Variants in SEMA5A observed in about 807,000 individuals in gnomAD.
SEMA5A encodes semaphorin 5A.
Under a neutral mutation model 135.5 loss-of-function variants are expected in SEMA5A, and 55 were observed. The observed-to-expected ratio is 0.41, with a 90% CI of 0.33 to 0.51. The LOEUF (loss-of-function observed/expected upper bound fraction) is 0.51, where lower values mean the gene tolerates loss of function less well. SEMA5A is among the 20% of genes least tolerant of loss of function. The pLI, the probability that SEMA5A is intolerant of heterozygous loss-of-function variation, is 0.37. For synonymous variants in SEMA5A, 580 were observed against 546.5 expected, an observed-to-expected ratio of 1.06 and a Z score of -0.85; for missense variants, 1,290 against 1,419.9, an observed-to-expected ratio of 0.91 and a Z score of 1.47.
At chr5:9,249,737 T>C (rs1049799940) in intron 5 of SEMA5A, among the ~76,000 whole-genome samples, 2 of 152,038 alleles carry the variant, frequency 1.3e-5, no homozygotes, top group African/African-American at 4.8e-5. Context: ...GATCTGGAGA[T>C]GGATGAAGGA....
intron 2 of SEMA5A, among the ~76,000 whole-genome samples, chr5:9,409,785 G>A (rs545928603): frequency 6.7e-6 from 1 of 150,150 alleles, no homozygotes; most frequent in Admixed American, 6.6e-5. Context: ...TGTGTTGTCC[G>A]CGGGGTGCTT....
At position 9,391,369 on chromosome 5, in the gene SEMA5A, G is replaced by A. The variant is rs576587042; in HGVS notation, c.-77-11346C>T. ...TCCCATGACTTAAATAACATTTATC[G>A]GCTGGTGAATATAAGTGTACATATC... On this transcript the variant is annotated intron_variant, in intron 2 of 22. Transcript: ENST00000382496. 7.2e-5 allele frequency among the ~76,000 whole-genome samples: 11 copies of A among 152,178 alleles called. No homozygotes were observed. In the East Asian group the frequency reaches 1.5e-3, roughly 21 times the overall value.
intron 2 of SEMA5A, among the ~76,000 whole-genome samples, chr5:9,425,124 TC>T (rs1327085923): frequency 6.6e-6 from 1 of 152,200 alleles, no homozygotes; most frequent in Non-Finnish European, 1.5e-5. Context: ...CACACCACTG[TC>T]CCTTTCCCCA....
At chr5:9,152,240 A>C (rs1338099819) in intron 12 of SEMA5A, among the ~76,000 whole-genome samples, 1 of 152,114 alleles carries the variant, frequency 6.6e-6, no homozygotes, top group Non-Finnish European at 1.5e-5. Flanking sequence ...TCACCCTCCA[A>C]AAAGGTCATC....
At chr5:9,207,902 TA>T (rs2150380864) in intron 8 of SEMA5A, among the ~76,000 whole-genome samples, 1 of 44,300 alleles carries the variant, frequency 2.3e-5, no homozygotes, top group South Asian at 1.3e-3. Flanking sequence ...GATAGATACA[TA>T]GATAGATAGA....
intron 12 of SEMA5A, among the ~76,000 whole-genome samples, chr5:9,145,875 C>T (rs1579477413): frequency 6.6e-6 from 1 of 151,014 alleles, no homozygotes; most frequent in Admixed American, 6.6e-5. Flanking sequence ...GAACTCTTGA[C>T]CTCAAGCAAT....
chr5:9,401,906 A>T (rs1433562669), intron 2 of SEMA5A, among the ~76,000 whole-genome samples: 1 of 152,204 alleles, frequency 6.6e-6, no homozygotes, highest in African/African-American at 2.4e-5. Flanking sequence ...ATGCTCTAAT[A>T]AATCAAACAC....
chr5:9,084,495 C>T (rs1738569272), intron 16 of SEMA5A, among the ~76,000 whole-genome samples: 1 of 152,176 alleles, frequency 6.6e-6, no homozygotes, highest in Non-Finnish European at 1.5e-5. Context: ...TTGCTGTTCT[C>T]ATGATAGTGA....
intron 2 of SEMA5A, among the ~76,000 whole-genome samples, chr5:9,420,941 C>T (rs403161): frequency 0.22 from 34,143 of 152,150 alleles, 3,969 homozygotes; most frequent in East Asian, 0.33. Context: ...GCTTGAACCC[C>T]GGAGGGGTAG....
At chr5:9,333,909 A>G (rs1395495080) in intron 4 of SEMA5A, among the ~76,000 whole-genome samples, 1 of 152,086 alleles carries the variant, frequency 6.6e-6, no homozygotes, top group African/African-American at 2.4e-5. Flanking sequence ...ATTAACTTTT[A>G]AAGAGACTGG....
At chr5:9,283,894 A>C (rs1750663943) in intron 5 of SEMA5A, among the ~76,000 whole-genome samples, 1 of 152,294 alleles carries the variant, frequency 6.6e-6, no homozygotes, top group South Asian at 2.1e-4. Flanking sequence ...CCTTATTTTC[A>C]TGATTGCAGG....
intron 18 of SEMA5A, among the ~76,000 whole-genome samples, chr5:9,056,713 T>C (rs966113062): frequency 6.6e-6 from 1 of 152,056 alleles, no homozygotes; most frequent in African/African-American, 2.4e-5. Context: ...ACAGCGAGAC[T>C]CCATCACAAA....
chr5:9,231,265 G>A (rs1482132446), intron 6 of SEMA5A, among the ~76,000 whole-genome samples: 10 of 151,918 alleles, frequency 6.6e-5, no homozygotes, highest in Non-Finnish European at 2.9e-5. Flanking sequence ...TCAGGAGTTC[G>A]AGACCAGCCT....
chr5:9,317,537 C>T (rs796616840), intron 5 of SEMA5A, among the ~76,000 whole-genome samples: 6 of 152,124 alleles, frequency 3.9e-5, no homozygotes, highest in African/African-American at 1.2e-4. Flanking sequence ...AATATTAAAA[C>T]CTAGCTCTGA....
chr5:9,089,768 G>T (rs1738932075), intron 16 of SEMA5A, among the ~76,000 whole-genome samples: 1 of 152,094 alleles, frequency 6.6e-6, no homozygotes, highest in Non-Finnish European at 1.5e-5. Flanking sequence ...AATGTTTGTG[G>T]TAAGATTTTA....
intron 5 of SEMA5A, among the ~76,000 whole-genome samples, chr5:9,280,470 C>A (rs548939100): frequency 6.6e-6 from 1 of 152,320 alleles, no homozygotes; most frequent in South Asian, 2.1e-4. Context: ...AGAACCAGGA[C>A]TCCCTCAGCC....
At chr5:9,074,288 T>C (rs897133757) in intron 16 of SEMA5A, among the ~76,000 whole-genome samples, 2 of 152,198 alleles carry the variant, frequency 1.3e-5, no homozygotes, top group Non-Finnish European at 2.9e-5. Context: ...AATAATTGAA[T>C]ATCCACATGT....
intron 20 of SEMA5A, 99 bp from the exon 21 acceptor site, chr5:9,050,556 T>A: frequency 9.9e-7 from 1 of 1,010,630 alleles, no homozygotes; most frequent in African/African-American, 1.7e-5. Context: ...CTGAATGTTA[T>A]GTGACACAAA....
chr5:9,267,629 C>G (rs1357975452), intron 5 of SEMA5A, among the ~76,000 whole-genome samples: 1 of 152,138 alleles, frequency 6.6e-6, no homozygotes, highest in African/African-American at 2.4e-5. Flanking sequence ...TAAAAGGCAT[C>G]TGATTCCTCT....
Sources: allele counts gnomAD v4.1 joint callset (sites outside exome capture counted in the v4.1 genomes callset), GRCh38; gene constraint gnomAD v4.1.1; transcripts MANE v1.5; gene names NCBI Gene and HGNC (gene_info 2026-07-23, HGNC 2026-07-21).